The following ALPL variants were observed in gnomAD, a reference collection of about 807,000 sequenced individuals.
ALPL encodes alkaline phosphatase, tissue-nonspecific isozyme.
In ALPL, 42 loss-of-function variants were observed where a neutral mutation model predicts 51.3. The ratio of observed to expected loss-of-function variants is 0.82; its 90% CI spans 0.64 to 1.06. ALPL has a LOEUF of 1.06. ALPL is among the 50% of genes least tolerant of loss of function. The pLI is 0.00. For synonymous variants in ALPL, 279 were observed against 296.4 expected, an observed-to-expected ratio of 0.94 and a Z score of 0.60; for missense variants, 589 against 709.4, an observed-to-expected ratio of 0.83 and a Z score of 1.93.
rs1644536478 is a variant in ALPL at position 21,564,524 on chromosome 1, G to A, written c.648+308G>A. On this transcript the variant is annotated intron_variant, in intron 6 of 11. Transcript: ENST00000374840. The surrounding 1 kb of genome is among the most constrained non-coding windows in gnomAD (Gnocchi z 5.8). ...TCTGCCCCCCACTACACGGGAGGTG[G>A]TGATGGCCAAGTGTCGTCTGCCTGC... Among the ~76,000 whole-genome samples the A allele has an allele frequency of 6.6e-6, 1 of 152,202 alleles. No individual in the cohort carries two copies. Among genetic ancestry groups the A allele is most frequent in the Admixed American group, 6.5e-5 (1 of 15,282 alleles).
At chr1:21,544,885 ATGCTAAAACCAGGTTT>A (rs1364213246) in intron 1 of ALPL, among the ~76,000 whole-genome samples, 1 of 152,168 alleles carries the variant, frequency 6.6e-6, no homozygotes, top group Non-Finnish European at 1.5e-5. Flanking sequence ...GAACACATAA[ATGCTAAAACCAGGTTT>A]TGTTTTGTTT....
intron 1 of ALPL, among the ~76,000 whole-genome samples, chr1:21,553,150 G>T (rs1482911038): frequency 6.7e-6 from 1 of 149,592 alleles, no homozygotes; most frequent in African/African-American, 2.4e-5. Context: ...TTTCCTTCCA[G>T]TTTTTTTTTC....
rs387906525 is a variant in ALPL at position 21,577,631 on chromosome 1, CT to C, written c.1559del (p.Leu520ArgfsTer86). ...GCTGCTCGCGCTGGCCCTCTACCCC[CT>C]GAGCGTCCTGTTCTGAGGGCCCAGG... ...PLLLALALYP[L>X]SVLF On this transcript the variant is annotated frameshift_variant, in exon 12 of 12. Coordinates refer to ENST00000374840, the MANE Select transcript of ALPL (RefSeq NM_000478.6). LOFTEE classifies it high-confidence loss of function. 33 of 1,598,412 alleles carry C rather than the reference CT, an allele frequency of 2.1e-5. No homozygotes were observed. In the East Asian group the frequency reaches 7.1e-4, roughly 35 times the overall value.
chr1:21,564,209 A>G lies in ALPL; in HGVS notation c.641A>G (p.Asp214Gly). ...IAYQLMHNIR[D>G]IDVIMGGGRK... Reference sequence around the variant, plus strand: ...TACCAGCTCATGCATAACATCAGGGACATTGACGTGAGTGCTCGGGGGCAG... The same window carrying G: ...TACCAGCTCATGCATAACATCAGGGGCATTGACGTGAGTGCTCGGGGGCAG... Residue 214 changes from aspartate (D) to glycine (G), a missense_variant, in exon 6 of 12, where the codon GAC (aspartate) becomes GGC (glycine). Physicochemically the swap from Asp to Gly is moderately conservative, Grantham distance 94 (BLOSUM62 -1). Transcript: ENST00000374840. The surrounding 1 kb of genome is among the most constrained non-coding windows in gnomAD (Gnocchi z 5.8). 6.2e-7 allele frequency: 1 copy of G among 1,613,786 alleles called. No homozygotes were observed. Among genetic ancestry groups the G allele is most frequent in the Non-Finnish European group, 8.5e-7 (1 of 1,179,960 alleles).
At chr1:21,573,438 A>G (rs1302944358) in intron 8 of ALPL, among the ~76,000 whole-genome samples, 2 of 136,928 alleles carry the variant, frequency 1.5e-5, no homozygotes, top group Non-Finnish European at 3.1e-5. Flanking sequence ...CTCTGTCTCA[A>G]AAAAAAAAAA....
In ALPL at chr1:21,577,832, C is replaced by A; in HGVS notation, c.*184C>A. The A allele has an allele frequency of 1.3e-6, 1 of 798,516 alleles. No individual in the cohort carries two copies. Among genetic ancestry groups the A allele is most frequent in the Non-Finnish European group, 1.9e-6 (1 of 516,740 alleles). The allele number at this position is 798,516 out of a possible 1,614,324, so 49.5% of individuals were successfully genotyped here. On this transcript the variant is annotated 3_prime_UTR_variant, in exon 12 of 12. Coordinates refer to ENST00000374840, the MANE Select transcript of ALPL (RefSeq NM_000478.6). ...TCTGGAATCTTCCCCAAGGGCCAAACCCACTTCTGGCCTCCAGCCTTTGCT... is the reference window on the plus strand; with the variant it reads ...TCTGGAATCTTCCCCAAGGGCCAAAACCACTTCTGGCCTCCAGCCTTTGCT...
At chr1:21,518,251 A>G (rs1643837811) in intron 1 of ALPL, among the ~76,000 whole-genome samples, 1 of 152,038 alleles carries the variant, frequency 6.6e-6, no homozygotes, top group Non-Finnish European at 1.5e-5. Flanking sequence ...GGAAAGAGTT[A>G]GGCCTGCCCC....
chr1:21,519,598 A>T (rs1381452988), intron 1 of ALPL, among the ~76,000 whole-genome samples: 1 of 152,216 alleles, frequency 6.6e-6, no homozygotes, highest in Non-Finnish European at 1.5e-5. Context: ...GGAGTTCAAG[A>T]ACAGCCTGGC....
intron 1 of ALPL, among the ~76,000 whole-genome samples, chr1:21,526,468 T>C (rs12402977): frequency 0.13 from 19,045 of 152,218 alleles, 1,831 homozygotes; most frequent in East Asian, 0.48. Flanking sequence ...CCTTTTTTGC[T>C]GCATTATATA....
chr1:21,520,704 G>A (rs1413713476), intron 1 of ALPL, among the ~76,000 whole-genome samples: 4 of 151,970 alleles, frequency 2.6e-5, no homozygotes, highest in Non-Finnish European at 4.4e-5. Context: ...CTTGTGATCC[G>A]CCCACCTTAG....
intron 1 of ALPL, among the ~76,000 whole-genome samples, chr1:21,540,542 T>C (rs1018263009): frequency 5.3e-5 from 8 of 152,128 alleles, no homozygotes; most frequent in African/African-American, 1.7e-4. Flanking sequence ...CAATGGGGCA[T>C]GTAGTGAGAT....
chr1:21,563,463 T>C (rs1644516016), intron 5 of ALPL, among the ~76,000 whole-genome samples, 179 bp downstream of exon 5: 1 of 152,128 alleles, frequency 6.6e-6, no homozygotes, highest in South Asian at 2.1e-4. Context: ...AGCTGAGGGT[T>C]TGGGGTTCAC....
At chr1:21,552,506 A>T (rs1423091826) in intron 1 of ALPL, among the ~76,000 whole-genome samples, 2 of 151,852 alleles carry the variant, frequency 1.3e-5, no homozygotes, top group Non-Finnish European at 2.9e-5. Flanking sequence ...AAAAGAAAAA[A>T]TCTTTTTCCT....
At chr1:21,552,586 A>G (rs1644346842) in intron 1 of ALPL, among the ~76,000 whole-genome samples, 1 of 151,860 alleles carries the variant, frequency 6.6e-6, no homozygotes, top group Non-Finnish European at 1.5e-5. Flanking sequence ...AAATACAAAA[A>G]TTTTTCTTAG....
Position 21,568,472 on chromosome 1 carries a change from C to T in ALPL, c.792+225C>T, listed in dbSNP as rs534058433. Among the ~76,000 whole-genome samples, 100 of 152,242 alleles carry T rather than the reference C, an allele frequency of 6.6e-4. No homozygotes were observed. The Middle Eastern group carries it at 0.024, about 36-fold the overall frequency. On this transcript the variant is annotated intron_variant, in intron 7 of 11. Transcript: ENST00000374840. Reference sequence around the variant, plus strand: ...AGAGAGGCGGATGGTGAGGAGGAGGCTGGGCCAGGGAATAACCTGCGTGGA... The same window carrying T: ...AGAGAGGCGGATGGTGAGGAGGAGGTTGGGCCAGGGAATAACCTGCGTGGA...
Position 21,554,015 on chromosome 1 carries a change from C to CCCCCCCA in ALPL, c.-67_-66insCCCCCCA. 1 of 985,302 alleles carries CCCCCCCA rather than the reference C, an allele frequency of 1.0e-6. No homozygotes were observed. The highest frequency in any genetic ancestry group is 1.6e-6 in the Non-Finnish European group (1 of 616,466). 61.0% of individuals were successfully genotyped at this position (985,302 alleles called of 1,614,324 possible). On this transcript the variant is annotated 5_prime_UTR_variant, in exon 2 of 12. Coordinates refer to ENST00000374840, the MANE Select transcript of ALPL (RefSeq NM_000478.6). The stretch of plus-strand genomic sequence containing the variant: ...AGTTAACATCTGACCACTGCCAGCC[C>CCCCCCCA]ACCCCCTCCCACCCACGTCGATTGC...
chr1:21,532,897 C>T (rs1483110155), intron 1 of ALPL, among the ~76,000 whole-genome samples: 1 of 152,224 alleles, frequency 6.6e-6, no homozygotes, highest in Non-Finnish European at 1.5e-5. Flanking sequence ...AACTAATTGG[C>T]TGTGTGACTT....
rs2148135419 is a variant in ALPL, at chr1:21,554,145, A to G, written c.61+3A>G. On this transcript the variant is annotated splice_donor_region_variant and intron_variant, in intron 2 of 11. Transcript: ENST00000374840. Reference sequence around the variant, plus strand: ...CCTTACTAACTCCTTAGTGCCAGGTATGCTTGGGGACACAGGTGGAGGCAT... The same window carrying G: ...CCTTACTAACTCCTTAGTGCCAGGTGTGCTTGGGGACACAGGTGGAGGCAT... The G allele has an allele frequency of 1.9e-6, 3 of 1,613,538 alleles. No individual in the cohort carries two copies. Among genetic ancestry groups the G allele is most frequent in the Non-Finnish European group, 2.5e-6 (3 of 1,179,784 alleles).
chr1:21,563,208 A>G lies in ALPL; in HGVS notation c.396A>G (p.Ala132=). 1 of 1,613,966 alleles carries G rather than the reference A, an allele frequency of 6.2e-7. No homozygotes were observed. The highest frequency in any genetic ancestry group is 8.5e-7 in the Non-Finnish European group (1 of 1,180,016). ...KANEGTVGVS[A]ATERSRCNTT... is the part of the protein sequence containing the mutation. ...ATGAGGGCACCGTGGGGGTAAGCGC[A>G]GCCACTGAGCGTTCCCGGTGCAACA... Residue 132 remains alanine (A), a synonymous_variant, in exon 5 of 12, where the codon GCA becomes GCG. Coordinates refer to ENST00000374840, the MANE Select transcript of ALPL (RefSeq NM_000478.6).
Sources: allele counts gnomAD v4.1 joint callset (sites outside exome capture counted in the v4.1 genomes callset), GRCh38; gene constraint gnomAD v4.1.1; non-coding constraint Gnocchi (gnomAD v3.1); transcripts MANE v1.5; gene names NCBI Gene and HGNC (gene_info 2026-07-23, HGNC 2026-07-21).